The following KLHL32 variants were observed in gnomAD, a reference collection of about 807,000 sequenced individuals.
The protein encoded by KLHL32 is kelch like family member 32, also known as kelch-like protein 32.
In KLHL32, 35 loss-of-function variants were observed where a neutral mutation model predicts 64.8. The ratio of observed to expected loss-of-function variants is 0.54; its 90% confidence interval spans 0.41 to 0.72. KLHL32 has a LOEUF of 0.72. Among genes scored for constraint, KLHL32 ranks in the 30% least tolerant of loss-of-function variants. KLHL32 has a pLI of 0.00. For synonymous variants in KLHL32, 259 were observed against 281.0 expected (o/e 0.92, Z 0.78); for missense variants, 589 against 768.5 (o/e 0.77, Z 2.76).
intron 5 of KLHL32, among the ~76,000 whole-genome samples, chr6:97,077,374 A>T (rs959358318): frequency 4.0e-4 from 61 of 152,172 alleles, no homozygotes; most frequent in African/African-American, 1.4e-3. Context: ...ATTAATGTGA[A>T]TTCATTTGAT....
At chr6:96,930,368 C>A (rs548651065) in intron 1 of KLHL32, among the ~76,000 whole-genome samples, 6 of 152,304 alleles carry the variant, frequency 3.9e-5, no homozygotes, top group African/African-American at 1.4e-4. Flanking sequence ...AAATCTGATA[C>A]TTCTTGGTTC....
chr6:96,931,456 C>T (rs1268371972), intron 1 of KLHL32, among the ~76,000 whole-genome samples: 1 of 152,202 alleles, frequency 6.6e-6, no homozygotes, highest in African/African-American at 2.4e-5. Flanking sequence ...ATCCCATAGA[C>T]TGAGCTAAGC....
At chr6:96,928,730 T>C (rs1043790128) in intron 1 of KLHL32, among the ~76,000 whole-genome samples, 2 of 152,186 alleles carry the variant, frequency 1.3e-5, no homozygotes, top group Admixed American at 6.5e-5. Context: ...TATGAATTCA[T>C]TTGGAGTGGG....
chr6:96,949,392 A>T (rs899750793), intron 1 of KLHL32, among the ~76,000 whole-genome samples: 1 of 152,034 alleles, frequency 6.6e-6, no homozygotes, highest in African/African-American at 2.4e-5. Context: ...ACTTGTTATC[A>T]TTGTTCATTT....
rs556580213 is a variant in KLHL32, at chr6:97,041,724, T to A, written c.312+125T>A. On this transcript the variant is annotated intron_variant, in intron 4 of 10. Coordinates refer to ENST00000369261, the MANE Select transcript of KLHL32 (RefSeq NM_052904.4). ...CTCATTTTGATGTTAAAAATAAGAT[T>A]CACATCCTCTTAATTTTATGACTAA... 658 of 581,952 alleles carry A rather than the reference T, an allele frequency of 1.1e-3. 16 individuals carry two copies. The South Asian group carries it at 0.016, about 14-fold the overall frequency. The allele number at this position is 581,952 out of a possible 1,614,324, so 36.0% of individuals were successfully genotyped here. A position where few individuals can be genotyped will look rare whatever the true frequency, so the allele number is the denominator to read the frequency against.
chr6:97,049,300 T>G (rs1428570230), intron 4 of KLHL32, among the ~76,000 whole-genome samples: 1 of 152,094 alleles, frequency 6.6e-6, no homozygotes, highest in Non-Finnish European at 1.5e-5. Flanking sequence ...TTAAGTAAAA[T>G]AAACACAAGC....
chr6:96,916,658 T>C, the KLHL32 span, among the ~76,000 whole-genome samples: 1 of 152,284 alleles, frequency 6.6e-6, no homozygotes, highest in Middle Eastern at 3.4e-3. Context: ...ATTAGAATAT[T>C]AACACAAAAA....
intron 3 of KLHL32, among the ~76,000 whole-genome samples, chr6:96,991,989 G>A (rs1374047828): frequency 6.6e-6 from 1 of 152,206 alleles, no homozygotes; most frequent in African/African-American, 2.4e-5. Flanking sequence ...GAGGGCTTCC[G>A]AGCGGCAGAA....
chr6:96,922,775 G>A, upstream of KLHL32, among the ~76,000 whole-genome samples: 2 of 152,330 alleles, frequency 1.3e-5, no homozygotes, highest in Admixed American at 1.3e-4. Flanking sequence ...GCTCCTCTAG[G>A]AGTGGAGTAA....
intron 3 of KLHL32, among the ~76,000 whole-genome samples, chr6:97,007,046 G>A (rs904406951): frequency 2.0e-5 from 3 of 152,208 alleles, no homozygotes; most frequent in African/African-American, 4.8e-5. Flanking sequence ...CTTTAGCAAG[G>A]TTGGGGAAAT....
chr6:96,928,216 G>A (rs1769400259), intron 1 of KLHL32, among the ~76,000 whole-genome samples: 3 of 152,120 alleles, frequency 2.0e-5, no homozygotes, highest in African/African-American at 7.2e-5. Context: ...TAGGTAGTAG[G>A]GGGATTAGTG....
chr6:96,990,183 GT>G, intron 3 of KLHL32, among the ~76,000 whole-genome samples: 1 of 152,184 alleles, frequency 6.6e-6, no homozygotes, highest in East Asian at 1.9e-4. Context: ...ACTTGCCAGA[GT>G]TTTTGTACTA....
rs562981877 is a variant in KLHL32 at position 97,044,171 on chromosome 6, G to A, written c.312+2572G>A. ...TTGTATTGATATACATTCTTTCTAT[G>A]CCTAACTTGTTGAGAGTTTTTATCA... On this transcript the variant is annotated intron_variant, in intron 4 of 10. Coordinates refer to ENST00000369261, the MANE Select transcript of KLHL32 (RefSeq NM_052904.4). Among the ~76,000 whole-genome samples, 14 of 151,944 alleles carry A rather than the reference G, an allele frequency of 9.2e-5. No individual in the cohort carries two copies. In the South Asian group the frequency reaches 2.7e-3, roughly 29 times the overall value.
chr6:96,948,472 G>T (rs1772181676), intron 1 of KLHL32, among the ~76,000 whole-genome samples: 1 of 152,044 alleles, frequency 6.6e-6, no homozygotes, highest in Admixed American at 6.6e-5. Flanking sequence ...TGATGTAGGT[G>T]TGTCCTTATG....
chr6:97,121,194 G>A (rs928346329), intron 7 of KLHL32, among the ~76,000 whole-genome samples: 13 of 152,180 alleles, frequency 8.5e-5, no homozygotes, highest in Admixed American at 2.6e-4. Flanking sequence ...GCTTATAGCT[G>A]ACAGAGTTAG....
intron 1 of KLHL32, among the ~76,000 whole-genome samples, chr6:96,956,066 G>A (rs138161588): frequency 5.3e-5 from 8 of 152,310 alleles, no homozygotes; most frequent in South Asian, 2.1e-4. Context: ...TGAAAGGCAC[G>A]TCTCATATGG....
chr6:96,963,543 T>C (rs1774105767), intron 1 of KLHL32, among the ~76,000 whole-genome samples: 1 of 152,184 alleles, frequency 6.6e-6, no homozygotes, highest in Non-Finnish European at 1.5e-5. Context: ...TAGGTCAAAA[T>C]GATCCCTGTG....
intron 3 of KLHL32, among the ~76,000 whole-genome samples, chr6:96,999,984 A>G (rs528771320): frequency 2.0e-5 from 3 of 152,246 alleles, no homozygotes; most frequent in Non-Finnish European, 2.9e-5. Flanking sequence ...AGGGAAAGAG[A>G]GCAGGAAAAG....
chr6:97,111,729 G>A (rs918895307), intron 6 of KLHL32, among the ~76,000 whole-genome samples: 3 of 152,190 alleles, frequency 2.0e-5, no homozygotes, highest in African/African-American at 7.2e-5. Flanking sequence ...TGGCGTTCAG[G>A]AGGAATGAAG....
Sources: gnomAD v4.1 joint callset for allele counts (sites outside exome capture counted in the v4.1 genomes callset) on GRCh38, gnomAD v4.1.1 for gene constraint, MANE v1.5 for transcripts, NCBI Gene and HGNC (gene_info 2026-07-23, HGNC 2026-07-21) for gene names.